The following PTBP2 variants were observed in gnomAD, a reference collection of about 807,000 sequenced individuals.
PTBP2 encodes the protein polypyrimidine tract-binding protein 2.
PTBP2 carries 13 observed loss-of-function variants against 61.4 expected under a neutral mutation model. That is an observed-to-expected ratio of 0.21 (90% confidence interval 0.14 to 0.34). The LOEUF (loss-of-function observed/expected upper bound fraction) is 0.34. Among genes scored for constraint, PTBP2 ranks in the 10% least tolerant of loss-of-function variants. The pLI is 1.00. For synonymous variants in PTBP2, 215 were observed against 218.5 expected (o/e 0.98, Z 0.14); for missense variants, 405 against 642.6 (o/e 0.63, Z 4.00).
intron 3 of PTBP2, among the ~76,000 whole-genome samples, chr1:96,767,938 T>C (rs1000556458): frequency 2.0e-5 from 3 of 152,082 alleles, no homozygotes; most frequent in Non-Finnish European, 2.9e-5. Flanking sequence ...TACTCTTCTG[T>C]ACAAAGACAA....
In PTBP2 at chr1:96,723,663, T is replaced by C. The variant is rs545513184; in HGVS notation, c.39+69T>C. The C allele has an allele frequency of 1.6e-3, 2,296 of 1,422,552 alleles. 8 individuals are homozygous for C. The highest frequency in any genetic ancestry group is 2.0e-3 in the Admixed American group (108 of 53,030). 88.1% of individuals were successfully genotyped at this position (1,422,552 alleles called of 1,614,324 possible). ...ATCATAATTACTGGAAAATTTTAGC[T>C]TTTGCTTTTGAAAACTATAACGTAG... is the stretch of plus-strand genomic sequence containing the variant. On this transcript the variant is annotated intron_variant, in intron 2 of 13. Transcript: ENST00000674951.
intron 11 of PTBP2, 49 bp downstream of exon 11, chr1:96,807,007 A>G: frequency 7.3e-7 from 1 of 1,376,498 alleles, no homozygotes; most frequent in Non-Finnish European, 1.0e-6. Flanking sequence ...CTGCTTTCAA[A>G]TGCATAATGT....
chr1:96,741,307 G>A (rs1557696632), intron 2 of PTBP2, among the ~76,000 whole-genome samples: 1 of 152,048 alleles, frequency 6.6e-6, no homozygotes, highest in Non-Finnish European at 1.5e-5. Context: ...TGTCATCCAG[G>A]CTGGAGTGCA....
rs556994558 is a variant in PTBP2 at position 96,762,025 on chromosome 1, A to G, written c.116-7678A>G. Among the ~76,000 whole-genome samples, 50 of 151,256 alleles carry G rather than the reference A, an allele frequency of 3.3e-4. 1 individual carries two copies. The highest frequency in any genetic ancestry group is 2.7e-3 in the Admixed American group (41 of 15,204). On this transcript the variant is annotated intron_variant, in intron 3 of 13. Transcript: ENST00000674951. ...AATCCATTTAACCCTGAGTGGACAC[A>G]GCACATGTTTCAGAGAGCACAGGGT...
intron 11 of PTBP2, among the ~76,000 whole-genome samples, chr1:96,812,415 C>CTT (rs756872845): frequency 5.3e-4 from 81 of 152,202 alleles, no homozygotes; most frequent in Non-Finnish European, 9.9e-4. Flanking sequence ...GCTAGGGATG[C>CTT]TTATTAAGTT....
At chr1:96,757,452 A>G (rs1053967847) in intron 3 of PTBP2, among the ~76,000 whole-genome samples, 3 of 152,210 alleles carry the variant, frequency 2.0e-5, no homozygotes, top group African/African-American at 4.8e-5. Flanking sequence ...ATTAAGAAAA[A>G]CATCACAGAA....
In PTBP2 at chr1:96,737,216, C is replaced by T. The variant is rs182204714; in HGVS notation, c.39+13622C>T. ...CTCCTGACCTCCTGATCTGCCCACC[C>T]TGGCCTCCCAAAGTGCTGGGATTAC... On this transcript the variant is annotated intron_variant, in intron 2 of 13. Transcript: ENST00000674951. Among the ~76,000 whole-genome samples, 441 of 151,988 alleles carry T rather than the reference C, an allele frequency of 2.9e-3. 2 individuals are homozygous for T. The highest frequency in any genetic ancestry group is 0.01 in the African/African-American group (431 of 41,456).
intron 3 of PTBP2, among the ~76,000 whole-genome samples, chr1:96,769,036 G>T (rs563023781): frequency 4.6e-5 from 7 of 152,032 alleles, no homozygotes; most frequent in African/African-American, 1.7e-4. Flanking sequence ...ATTATAAGAT[G>T]ATTAAATTAC....
intron 3 of PTBP2, among the ~76,000 whole-genome samples, chr1:96,768,280 A>AGACACATCCCT (rs1017046566): frequency 2.6e-5 from 4 of 152,100 alleles, no homozygotes; most frequent in African/African-American, 9.6e-5. Flanking sequence ...AAACATTGCT[A>AGACACATCCCT]GACACATCCC....
At chr1:96,784,885 GA>G (rs1659053568) in intron 7 of PTBP2, 173 bp from the exon 8 acceptor site, 1 of 509,062 alleles carries the variant, frequency 2.0e-6, no homozygotes, top group South Asian at 3.0e-5. Context: ...ATATTTGGGG[GA>G]AAGTAATACA....
chr1:96,746,130 A>G (rs1653732234), intron 2 of PTBP2, among the ~76,000 whole-genome samples: 1 of 152,072 alleles, frequency 6.6e-6, no homozygotes, highest in Admixed American at 6.5e-5. Flanking sequence ...ACTGCTGTGA[A>G]CTTCTTTGTA....
intron 11 of PTBP2, among the ~76,000 whole-genome samples, chr1:96,811,320 A>G (rs1308111105): frequency 6.6e-6 from 1 of 152,170 alleles, no homozygotes; most frequent in African/African-American, 2.4e-5. Context: ...ATACTGTAGT[A>G]TACTGTTTAT....
chr1:96,756,045 T>C (rs1655119990), intron 3 of PTBP2, among the ~76,000 whole-genome samples: 1 of 152,214 alleles, frequency 6.6e-6, no homozygotes, highest in East Asian at 1.9e-4. Flanking sequence ...AACTCTCACT[T>C]ACTGCTCAGT....
At chr1:96,811,231 T>G (rs1299934963) in intron 11 of PTBP2, among the ~76,000 whole-genome samples, 3 of 152,176 alleles carry the variant, frequency 2.0e-5, no homozygotes, top group Non-Finnish European at 4.4e-5. Context: ...TGTTTTATAT[T>G]TAATTGGTTT....
intron 2 of PTBP2, among the ~76,000 whole-genome samples, chr1:96,741,612 G>GT (rs766142516): frequency 3.3e-5 from 5 of 151,622 alleles, no homozygotes; most frequent in African/African-American, 4.9e-5. Flanking sequence ...TCTCTGACCT[G>GT]TTTTTTTTAC....
downstream of PTBP2, chr1:96,816,361 C>G (rs1050550902): frequency 6.6e-6 from 1 of 152,098 alleles, no homozygotes. Flanking sequence ...TATATTAGTA[C>G]TCTATGACTC....
At chr1:96,722,536 A>T (rs1301022839) in intron 1 of PTBP2, among the ~76,000 whole-genome samples, 1 of 151,940 alleles carries the variant, frequency 6.6e-6, no homozygotes, top group Non-Finnish European at 1.5e-5. Flanking sequence ...GGGAGGGAGG[A>T]AAAAATGCCT....
At chr1:96,788,352 A>G (rs1659428951) in intron 8 of PTBP2, among the ~76,000 whole-genome samples, 1 of 152,084 alleles carries the variant, frequency 6.6e-6, no homozygotes, top group Admixed American at 6.5e-5. Flanking sequence ...CTCAATCCCA[A>G]AGTATTCATT....
intron 3 of PTBP2, among the ~76,000 whole-genome samples, chr1:96,759,599 A>G (rs946991801): frequency 3.9e-5 from 6 of 152,302 alleles, no homozygotes; most frequent in African/African-American, 9.6e-5. Flanking sequence ...AGGAAAAAGC[A>G]TAGGATATAC....
Sources: allele counts gnomAD v4.1 joint callset (sites outside exome capture counted in the v4.1 genomes callset), GRCh38; gene constraint gnomAD v4.1.1; transcripts MANE v1.5; gene names NCBI Gene and HGNC (gene_info 2026-07-23, HGNC 2026-07-21).